Variants in MTA3 observed in about 807,000 individuals in gnomAD.
The protein encoded by MTA3 is metastasis-associated protein MTA3.
MTA3 carries 34 observed loss-of-function variants against 83.5 expected under a neutral mutation model. The observed-to-expected ratio is 0.41, with a 90% CI of 0.31 to 0.54. The LOEUF (loss-of-function observed/expected upper bound fraction) is 0.54, where lower values mean the gene tolerates loss of function less well. Among genes scored for constraint, MTA3 ranks in the 20% least tolerant of loss-of-function variants. The pLI is 0.33. For missense variants in MTA3, 761 were observed against 726.4 expected (o/e 1.05, Z -0.55); for synonymous variants, 303 against 252.7 (o/e 1.20, Z -1.89).
intron 2 of MTA3, among the ~76,000 whole-genome samples, chr2:42,519,462 C>T (rs1402396034): frequency 2.6e-5 from 4 of 151,562 alleles, no homozygotes; most frequent in African/African-American, 9.7e-5. Flanking sequence ...AAAAAGTAGC[C>T]GGGTGTGATG....
At chr2:42,496,889 A>T (rs1674161675) in intron 2 of MTA3, among the ~76,000 whole-genome samples, 1 of 152,246 alleles carries the variant, frequency 6.6e-6, no homozygotes, top group Middle Eastern at 3.4e-3. Flanking sequence ...ATCCATTTTC[A>T]TCAGGGCATT....
chr2:42,642,608 T>C (rs1687792420), intron 5 of MTA3, among the ~76,000 whole-genome samples: 1 of 151,238 alleles, frequency 6.6e-6, no homozygotes, highest in African/African-American at 2.4e-5. Context: ...CAATTCTGAT[T>C]ACATAATGAT....
intron 8 of MTA3, among the ~76,000 whole-genome samples, chr2:42,666,341 T>C (rs1690231663): frequency 6.6e-6 from 1 of 152,180 alleles, no homozygotes; most frequent in Admixed American, 6.5e-5. Context: ...CTTATATCCT[T>C]TTAGTGGCTT....
chr2:42,712,663 A>G (rs1666721905), intron 14 of MTA3: 1 of 152,176 alleles, frequency 6.6e-6, no homozygotes, highest in Non-Finnish European at 1.5e-5. Flanking sequence ...AAAATTCTTC[A>G]TTGCATAAAG....
intron 3 of MTA3, among the ~76,000 whole-genome samples, chr2:42,588,299 G>A (rs1469413736): frequency 6.6e-6 from 1 of 152,120 alleles, no homozygotes; most frequent in Non-Finnish European, 1.5e-5. Flanking sequence ...GTTTTACTAT[G>A]TATTCATTTA....
chr2:42,689,135 T>G (rs1245663909), intron 9 of MTA3, among the ~76,000 whole-genome samples: 1 of 152,216 alleles, frequency 6.6e-6, no homozygotes, highest in Non-Finnish European at 1.5e-5. Flanking sequence ...TGAATAACAT[T>G]GATTAATTTA....
At chr2:42,555,627 G>C (rs1225971594) in intron 2 of MTA3, among the ~76,000 whole-genome samples, 3 of 150,856 alleles carry the variant, frequency 2.0e-5, no homozygotes, top group Non-Finnish European at 4.4e-5. Context: ...AATTAGCCAG[G>C]TGTGGTGGCA....
At chr2:42,695,526 C>A (rs918684342) in intron 9 of MTA3, among the ~76,000 whole-genome samples, 1 of 144,702 alleles carries the variant, frequency 6.9e-6, no homozygotes, top group Non-Finnish European at 1.5e-5. Context: ...ATCCCAGCTG[C>A]TTGGGAGGCT....
At position 42,664,407 on chromosome 2, in the gene MTA3, G is replaced by A. The variant is rs191333168; in HGVS notation, c.702+4545G>A. Among the ~76,000 whole-genome samples the A allele has an allele frequency of 6.0e-5, 9 of 151,050 alleles. No homozygotes were observed. In the East Asian group the frequency reaches 1.2e-3, roughly 20 times the overall value. ...TGGATTCATCATTCAGTTGAATTTG[G>A]GGAGTCACATTCTTTTCTTTGAGTA... On this transcript the variant is annotated intron_variant, in intron 8 of 16. Coordinates refer to ENST00000405094, the MANE Select transcript of MTA3 (RefSeq NM_001330442.2).
intron 2 of MTA3, among the ~76,000 whole-genome samples, chr2:42,577,968 A>G (rs1490858933): frequency 1.3e-5 from 2 of 152,186 alleles, no homozygotes; most frequent in African/African-American, 2.4e-5. Context: ...CTTCTGGAGA[A>G]TGTATTTGAT....
At chr2:42,516,055 C>T (rs1675132166) in intron 2 of MTA3, among the ~76,000 whole-genome samples, 1 of 151,684 alleles carries the variant, frequency 6.6e-6, no homozygotes, top group Admixed American at 6.6e-5. Context: ...GCTGGGATTA[C>T]AGGCACCCGC....
chr2:42,705,989 A>G (rs1395833864), intron 12 of MTA3, among the ~76,000 whole-genome samples: 2 of 152,176 alleles, frequency 1.3e-5, no homozygotes, highest in Non-Finnish European at 2.9e-5. Flanking sequence ...ATTTATTGAC[A>G]ATTATTAAAA....
chr2:42,651,860 G>A (rs986116771), intron 6 of MTA3, among the ~76,000 whole-genome samples: 2 of 151,822 alleles, frequency 1.3e-5, no homozygotes, highest in African/African-American at 2.4e-5. Flanking sequence ...TTGGGAGGCC[G>A]AGTTGGGTGG....
At chr2:42,559,045 GCAGGTAATCTCAC>G (rs1221789947) in intron 2 of MTA3, among the ~76,000 whole-genome samples, 2 of 152,050 alleles carry the variant, frequency 1.3e-5, no homozygotes. Flanking sequence ...CCCTCTCCTG[GCAGGTAATCTCAC>G]CAGTCTCCAG....
intron 3 of MTA3, among the ~76,000 whole-genome samples, chr2:42,592,233 G>A (rs1398268435): frequency 6.6e-6 from 1 of 152,048 alleles, no homozygotes; most frequent in East Asian, 1.9e-4. Flanking sequence ...CTGCACTCTA[G>A]CCTGGGAGAC....
At chr2:42,511,844 C>A (rs893997873) in intron 2 of MTA3, 1 of 152,130 alleles carries the variant, frequency 6.6e-6, no homozygotes, top group Non-Finnish European at 1.5e-5. Context: ...CAGTGAAACC[C>A]CATCTCTACT....
At chr2:42,719,694 T>C (rs1667269891) in intron 15 of MTA3, among the ~76,000 whole-genome samples, 1 of 152,134 alleles carries the variant, frequency 6.6e-6, no homozygotes, top group Non-Finnish European at 1.5e-5. Context: ...ATAGTTTTGG[T>C]GTGCTTTAGG....
chr2:42,523,393 G>A (rs7578541), intron 2 of MTA3, among the ~76,000 whole-genome samples: 54,447 of 151,936 alleles, frequency 0.36, 9,869 homozygotes, highest in South Asian at 0.4. Context: ...ATTGAACGGC[G>A]TGTTCTCGTC....
intron 11 of MTA3, 117 bp from the exon 12 acceptor site, chr2:42,704,076 CA>C: frequency 8.5e-7 from 1 of 1,169,602 alleles, no homozygotes. Context: ...TTCTTCTTCA[CA>C]CATTTTAAAA....
Sources: allele counts gnomAD v4.1 joint callset (sites outside exome capture counted in the v4.1 genomes callset), GRCh38; gene constraint gnomAD v4.1.1; transcripts MANE v1.5; gene names NCBI Gene and HGNC (gene_info 2026-07-23, HGNC 2026-07-21).